Variants in MED24 observed in about 807,000 individuals in gnomAD.
MED24 encodes the protein mediator complex subunit 24.
MED24 carries 74 observed loss-of-function variants against 118.8 expected under a neutral mutation model. The ratio of observed to expected loss-of-function variants is 0.62; its 90% confidence interval spans 0.52 to 0.76. The LOEUF is 0.76. Ranked by LOEUF, MED24 falls within the 30% of genes least tolerant of loss-of-function variation. The pLI is 0.00. For missense variants in MED24, 1,041 were observed against 1,278.9 expected (o/e 0.81, Z 2.84); for synonymous variants, 521 against 523.9 (o/e 0.99, Z 0.08).
Position 40,050,151 on chromosome 17 carries a change from C to CA in MED24, c.213+3146dup, listed in dbSNP as rs530636875. 5.6e-3 allele frequency among the ~76,000 whole-genome samples: 411 copies of CA among 74,024 alleles called. 2 individuals carry two copies. The highest frequency in any genetic ancestry group is 0.016 in the African/African-American group (289 of 18,250). 48.6% of individuals were successfully genotyped at this position (74,024 alleles called of 152,430 possible). A position where few individuals can be genotyped will look rare whatever the true frequency, so the allele number is the denominator to read the frequency against. The stretch of plus-strand genomic sequence containing the variant: ...GGGGGACAAGAGTGAAACTCCGTCT[C>CA]AAAAAAAAAAAAAAAAAAAGAGAGA... On this transcript the variant is annotated intron_variant, in intron 3 of 25. Coordinates refer to ENST00000394128, the MANE Select transcript of MED24 (RefSeq NM_014815.4).
intron 23 of MED24, chr17:40,020,662 T>G (rs977392410): frequency 1.4e-4 from 54 of 394,886 alleles, no homozygotes; most frequent in African/African-American, 1.1e-3. Flanking sequence ...TGCCAACGCC[T>G]GTAGTCCCAG....
intron 23 of MED24, 87 bp from the exon 24 acceptor site, chr17:40,020,440 A>C: frequency 6.5e-7 from 1 of 1,547,924 alleles, no homozygotes; most frequent in Non-Finnish European, 8.7e-7. Context: ...CCCGACCTTC[A>C]CCCATCGGAG....
chr17:40,039,676 G>A (rs542544060), intron 3 of MED24, among the ~76,000 whole-genome samples: 1 of 151,886 alleles, frequency 6.6e-6, no homozygotes, highest in African/African-American at 2.4e-5. Flanking sequence ...ACAGGGTCTC[G>A]CTCTGTCACC....
intron 24 of MED24, 156 bp from the exon 25 acceptor site, chr17:40,020,089 GGGAGGGGA>G: frequency 9.6e-7 from 1 of 1,036,730 alleles, no homozygotes; most frequent in Non-Finnish European, 1.4e-6. Context: ...AAGGCAATTG[GGGAGGGGA>G]GGAGGGGGAA....
chr17:40,043,953 A>T (rs1474438812), intron 3 of MED24, among the ~76,000 whole-genome samples: 2 of 150,006 alleles, frequency 1.3e-5, no homozygotes, highest in Non-Finnish European at 3.0e-5. Context: ...ACATGGAGAA[A>T]CCCTGTCTCT....
chr17:40,023,550 G>T (rs57554435), intron 19 of MED24, 155 bp from the exon 20 acceptor site: 3 of 681,446 alleles, frequency 4.4e-6, no homozygotes, highest in Non-Finnish European at 7.2e-6. Flanking sequence ...GGTATACCCC[G>T]GGGTGACCTG....
chr17:40,019,702 C>T (rs1177286041), intron 25 of MED24, 57 bp from the exon 26 acceptor site: 2 of 1,585,528 alleles, frequency 1.3e-6, no homozygotes, highest in Non-Finnish European at 1.7e-6. Flanking sequence ...TGTGCTGTCC[C>T]AGGGGGAAGG....
chr17:40,032,629 C>G lies in MED24; in HGVS notation c.936+20G>C. The G allele has an allele frequency of 6.3e-7, 1 of 1,587,572 alleles. No homozygotes were observed. Among genetic ancestry groups the G allele is most frequent in the Non-Finnish European group, 8.6e-7 (1 of 1,156,948 alleles). ...AGAACCATTCCTAGACTGGCTCTGC[C>G]CCTCCCACGTCCCCAGTACCTTGAG... On this transcript the variant is annotated intron_variant, in intron 9 of 25. Coordinates refer to ENST00000394128, the MANE Select transcript of MED24 (RefSeq NM_014815.4).
chr17:40,051,842 G>A (rs549687971), intron 3 of MED24, among the ~76,000 whole-genome samples: 83 of 151,930 alleles, frequency 5.5e-4, no homozygotes, highest in Admixed American at 1.2e-3. Context: ...AGAATCACTT[G>A]AACCCAGGAG....
chr17:40,053,994 G>A (rs982082219), intron 1 of MED24: 3 of 345,298 alleles, frequency 8.7e-6, no homozygotes, highest in African/African-American at 2.1e-5. Flanking sequence ...GCCGGGCTTG[G>A]TGGTGCATGC....
intron 21 of MED24, 48 bp downstream of exon 21, chr17:40,022,597 C>T: frequency 6.2e-7 from 1 of 1,609,014 alleles, no homozygotes; most frequent in Non-Finnish European, 8.5e-7. Context: ...GCGAGGGGTG[C>T]TTGACCCTGG....
In MED24 at chr17:40,019,585, C is replaced by G. The variant is rs1400292966; in HGVS notation, c.2914G>C (p.Asp972His). The change falls in exon 26 of 26, where the codon GAC becomes CAC. Residue 972 changes from aspartate (D) to histidine (H), a missense_variant. Coordinates refer to ENST00000394128, the MANE Select transcript of MED24 (RefSeq NM_014815.4). ...TGGCGGCCCAGGGGCAGGCTGAGGT[C>G]CGTGATGGCCAGAACCACCTTGGGG... ...SSPKVVLAITDLSLPLGRQVA... is the reference protein window; with the variant it reads ...SSPKVVLAITHLSLPLGRQVA... 6.2e-7 allele frequency: 1 copy of G among 1,611,868 alleles called. No homozygotes were observed. The highest frequency in any genetic ancestry group is 8.5e-7 in the Non-Finnish European group (1 of 1,179,032).
Position 40,032,632 on chromosome 17 carries a change from T to G in MED24, c.936+17A>C. On this transcript the variant is annotated intron_variant, in intron 9 of 25. Transcript: ENST00000394128. Reference sequence around the variant, plus strand: ...ACCATTCCTAGACTGGCTCTGCCCCTCCCACGTCCCCAGTACCTTGAGGAA... The same window carrying G: ...ACCATTCCTAGACTGGCTCTGCCCCGCCCACGTCCCCAGTACCTTGAGGAA... 1 of 1,595,764 alleles carries G rather than the reference T, an allele frequency of 6.3e-7. No homozygotes were observed. Among genetic ancestry groups the G allele is most frequent in the Non-Finnish European group, 8.6e-7 (1 of 1,164,066 alleles).
chr17:40,026,024 G>T, intron 19 of MED24, 132 bp downstream of exon 19: 1 of 913,964 alleles, frequency 1.1e-6, no homozygotes, highest in Non-Finnish European at 1.7e-6. Context: ...GTGAATGCAT[G>T]AATAGGAAAG....
intron 18 of MED24, 33 bp downstream of exon 18, chr17:40,026,614 G>A (rs763658379): frequency 1.9e-6 from 3 of 1,567,238 alleles, no homozygotes; most frequent in African/African-American, 1.4e-5. Context: ...CTGTGTCTCA[G>A]GGGAGCAAAC....
intron 3 of MED24, among the ~76,000 whole-genome samples, chr17:40,039,472 C>T (rs910647193): frequency 2.6e-5 from 4 of 152,182 alleles, no homozygotes; most frequent in African/African-American, 9.7e-5. Flanking sequence ...GCCCTCTACT[C>T]GCATAACATT....
chr17:40,029,799 G>A lies in MED24; in HGVS notation c.1215C>T (p.Pro405=). 1 of 1,614,182 alleles carries A rather than the reference G, an allele frequency of 6.2e-7. No homozygotes were observed. Among genetic ancestry groups the A allele is most frequent in the South Asian group, 1.1e-5 (1 of 91,088 alleles). The change falls in exon 13 of 26, where the codon CCC becomes CCT. Residue 405 remains proline, a synonymous_variant. Transcript: ENST00000394128. ...QKSGENANIQ[P]NIQLILRAEP... is the part of the protein sequence containing the mutation. ...CCGCCCGGAGGATCAGCTGGATGTTGGGCTGGATGTTGGCATTCTCTCCCG... is the reference window on the plus strand; with the variant it reads ...CCGCCCGGAGGATCAGCTGGATGTTAGGCTGGATGTTGGCATTCTCTCCCG...
intron 3 of MED24, among the ~76,000 whole-genome samples, chr17:40,045,124 G>C (rs1985020424): frequency 6.6e-6 from 1 of 152,086 alleles, no homozygotes; most frequent in Non-Finnish European, 1.5e-5. Flanking sequence ...GATTATAACA[G>C]TAAAAAATTA....
At chr17:40,034,709 G>A (rs1288130665) in intron 6 of MED24, among the ~76,000 whole-genome samples, 1 of 152,210 alleles carries the variant, frequency 6.6e-6, no homozygotes, top group Admixed American at 6.5e-5. Flanking sequence ...CAAGCGATGA[G>A]TAACATGGAG....
Sources: gnomAD v4.1 joint callset for allele counts (sites outside exome capture counted in the v4.1 genomes callset) on GRCh38, gnomAD v4.1.1 for gene constraint, MANE v1.5 for transcripts, NCBI Gene and HGNC (gene_info 2026-07-23, HGNC 2026-07-21) for gene names.